ADGRF4: variants seen among roughly 807,000 people sequenced by gnomAD.
ADGRF4 encodes G-protein coupled receptor PGR18.
Under a neutral mutation model 58.5 loss-of-function variants are expected in ADGRF4, and 63 were observed. That is an observed-to-expected ratio of 1.08 (90% confidence interval 0.88 to 1.33). The LOEUF (loss-of-function observed/expected upper bound fraction) is 1.33, where lower values mean the gene tolerates loss of function less well. ADGRF4 is among the 40% of genes most tolerant of loss of function. The pLI, the probability that ADGRF4 is intolerant of heterozygous loss-of-function variation, is 0.00. For missense variants in ADGRF4, 931 were observed against 843.9 expected, an observed-to-expected ratio of 1.10 and a Z score of -1.28; for synonymous variants, 313 against 295.4, an observed-to-expected ratio of 1.06 and a Z score of -0.61.
chr6:47,720,001 C>A (rs1772118788), intron 9 of ADGRF4, among the ~76,000 whole-genome samples: 1 of 152,124 alleles, frequency 6.6e-6, no homozygotes, highest in African/African-American at 2.4e-5. Context: ...TGGCTCTGTG[C>A]CTATTGAATT....
At chr6:47,713,308 C>A (rs1046549178) in intron 5 of ADGRF4, among the ~76,000 whole-genome samples, 3 of 152,138 alleles carry the variant, frequency 2.0e-5, no homozygotes, top group African/African-American at 7.2e-5. Flanking sequence ...AAAGGGAGAT[C>A]TGTAGCCCAT....
rs1232386907 is a variant in ADGRF4 at position 47,704,335 on chromosome 6, G to T, written c.-16-2895G>T. Among the ~76,000 whole-genome samples the T allele has an allele frequency of 2.6e-5, 4 of 152,214 alleles. No homozygotes were observed. In the South Asian group the frequency reaches 8.3e-4, roughly 32 times the overall value. On this transcript the variant is annotated intron_variant, in intron 1 of 9. Coordinates refer to ENST00000283303, the MANE Select transcript of ADGRF4 (RefSeq NM_153838.5). ...GATGAGCCACTGCACCCGGCAGCAG[G>T]TGCTATTCTTTACAAATGCCTCCCT...
chr6:47,720,055 G>A (rs1234802909), intron 9 of ADGRF4, among the ~76,000 whole-genome samples: 1 of 152,176 alleles, frequency 6.6e-6, no homozygotes, highest in Non-Finnish European at 1.5e-5. Flanking sequence ...GGACACACAT[G>A]GTACCAGAAG....
At chr6:47,718,295 T>G (rs944124474) in intron 8 of ADGRF4, 94 bp from the exon 9 acceptor site, 2 of 776,736 alleles carry the variant, frequency 2.6e-6, no homozygotes, top group African/African-American at 1.7e-5. Flanking sequence ...CTCCTTTTCA[T>G]GTATTCATTT....
rs1043061787 is a variant in ADGRF4, at chr6:47,710,824, C to A, written c.238C>A (p.Gln80Lys). The change falls in exon 4 of 10, where the codon CAA (glutamine) becomes AAA (lysine). Residue 80 changes from glutamine to lysine, a missense_variant. By Grantham distance (53) the Gln-to-Lys change is moderately conservative (BLOSUM62 1). Coordinates refer to ENST00000283303, the MANE Select transcript of ADGRF4 (RefSeq NM_153838.5). ...FHGEIGFTCN[Q>K]KKWQKSAETC... Reference sequence around the variant, plus strand: ...TGGAGAAATAGGATTTACATGTAATCAAAAAAAGTGGCAAAAATCAGCTGA... The same window carrying A: ...TGGAGAAATAGGATTTACATGTAATAAAAAAAAGTGGCAAAAATCAGCTGA... 2.0e-5 allele frequency: 33 copies of A among 1,613,672 alleles called. No homozygotes were observed. The East Asian group carries it at 7.1e-4, about 35-fold the overall frequency.
In ADGRF4 at chr6:47,716,821, C is replaced by G. The variant is rs142966293; in HGVS notation, c.1948C>G (p.Leu650Val). ...TTTGCCACAGGGTTTTTTCATCCTGCTGTTTGGAACCATTATGGATCACAA... is the reference window on the plus strand; with the variant it reads ...TTTGCCACAGGGTTTTTTCATCCTGGTGTTTGGAACCATTATGGATCACAA... ...LNAFQGFFILLFGTIMDHKIR... is the reference protein window; with the variant it reads ...LNAFQGFFILVFGTIMDHKIR... The change falls in exon 7 of 10, where the codon CTG becomes GTG. Residue 650 changes from leucine (L) to valine (V), a missense_variant. Coordinates refer to ENST00000283303, the MANE Select transcript of ADGRF4 (RefSeq NM_153838.5). The G allele has an allele frequency of 1.2e-6, 2 of 1,600,960 alleles. No homozygotes were observed. Among genetic ancestry groups the G allele is most frequent in the Non-Finnish European group, 1.7e-6 (2 of 1,174,190 alleles).
chr6:47,717,205 G>T (rs933673003), intron 7 of ADGRF4, 87 bp from the exon 8 acceptor site: 3 of 909,298 alleles, frequency 3.3e-6, no homozygotes, highest in African/African-American at 1.6e-5. Flanking sequence ...TTCTGCCAGG[G>T]TTACTGGTCT....
At chr6:47,700,533 T>C (rs574386433) in intron 1 of ADGRF4, among the ~76,000 whole-genome samples, 85 of 152,374 alleles carry the variant, frequency 5.6e-4, no homozygotes, top group Non-Finnish European at 8.4e-4. Context: ...TAGGGTTTTA[T>C]TAGTTCTGAC....
At chr6:47,712,217 C>G (rs111331331) in intron 4 of ADGRF4, 140 bp from the exon 5 acceptor site, 6 of 713,074 alleles carry the variant, frequency 8.4e-6, no homozygotes, top group African/African-American at 3.5e-5. Flanking sequence ...GTCTCCACCC[C>G]CCTCTGCATC....
intron 2 of ADGRF4, 85 bp from the exon 3 acceptor site, chr6:47,708,139 T>G: frequency 1.0e-6 from 1 of 981,042 alleles, no homozygotes; most frequent in South Asian, 1.4e-5. Context: ...ACATTTTCTT[T>G]TCATATTCAT....
chr6:47,704,950 A>G (rs1435140172), intron 1 of ADGRF4, among the ~76,000 whole-genome samples: 10 of 151,826 alleles, frequency 6.6e-5, no homozygotes. Context: ...TTTTTTTGTG[A>G]TGGAGTCTCC....
chr6:47,719,453 G>T (rs920836085), intron 9 of ADGRF4, among the ~76,000 whole-genome samples: 3 of 152,172 alleles, frequency 2.0e-5, no homozygotes, highest in Non-Finnish European at 4.4e-5. Flanking sequence ...TACAAAAGTT[G>T]ACCCTTCTGC....
Position 47,714,434 on chromosome 6 carries a change from A to T in ADGRF4, c.1189A>T (p.Thr397Ser). 1 of 1,614,106 alleles carries T rather than the reference A, an allele frequency of 6.2e-7. No homozygotes were observed. Among genetic ancestry groups the T allele is most frequent in the Non-Finnish European group, 8.5e-7 (1 of 1,180,022 alleles). Residue 397 changes from threonine to serine, a missense_variant, in exon 6 of 10, where the codon ACC becomes TCC. Thr to Ser is a moderately conservative substitution (Grantham distance 58). Coordinates refer to ENST00000283303, the MANE Select transcript of ADGRF4 (RefSeq NM_153838.5). The stretch of plus-strand genomic sequence containing the variant: ...CATTCTCATGTCCTCCAAATCGATG[A>T]CCGACAAAGTTCTGGACTACATCAC... ...FSILMSSKSM[T>S]DKVLDYITCI... is the part of the protein sequence containing the mutation.
At chr6:47,718,510 G>T in intron 9 of ADGRF4, 65 bp downstream of exon 9, 1 of 900,264 alleles carries the variant, frequency 1.1e-6, no homozygotes, top group Admixed American at 1.7e-5. Flanking sequence ...AATGCCCCTT[G>T]TGACCACACT....
intron 5 of ADGRF4, among the ~76,000 whole-genome samples, chr6:47,713,053 G>T (rs1052124496): frequency 6.6e-6 from 1 of 152,142 alleles, no homozygotes; most frequent in Non-Finnish European, 1.5e-5. Flanking sequence ...TTAGATTCTC[G>T]TAGAAGCACG....
chr6:47,700,554 A>C (rs1200195975), intron 1 of ADGRF4, among the ~76,000 whole-genome samples: 1 of 152,248 alleles, frequency 6.6e-6, no homozygotes, highest in Non-Finnish European at 1.5e-5. Context: ...TTATGGAGAC[A>C]GTGTGGAAAA....
At chr6:47,718,135 G>A (rs1772071154) in intron 8 of ADGRF4, among the ~76,000 whole-genome samples, 1 of 152,150 alleles carries the variant, frequency 6.6e-6, no homozygotes, top group African/African-American at 2.4e-5. Flanking sequence ...AAATTGGAAT[G>A]TATCTTATAT....
Position 47,715,050 on chromosome 6 carries a change from G to A in ADGRF4, c.1805G>A (p.Arg602Lys). 2 of 1,613,344 alleles carry A rather than the reference G, an allele frequency of 1.2e-6. No individual in the cohort carries two copies. Among genetic ancestry groups the A allele is most frequent in the South Asian group, 2.2e-5 (2 of 91,062 alleles). Residue 602 changes from arginine (R) to lysine (K), a missense_variant, in exon 6 of 10, where the codon AGG becomes AAG. Arg to Lys is a conservative substitution (Grantham distance 26). Coordinates refer to ENST00000283303, the MANE Select transcript of ADGRF4 (RefSeq NM_153838.5). ...SKSQDVVIIM[R>K]ISKNVAILTP... is the part of the protein sequence containing the mutation. ...TCTCAGGATGTGGTCATAATTATGAGGATCAGCAAAAATGTTGCCATCCTC... is the reference window on the plus strand; with the variant it reads ...TCTCAGGATGTGGTCATAATTATGAAGATCAGCAAAAATGTTGCCATCCTC...
chr6:47,718,616 G>T (rs2113909635), intron 9 of ADGRF4, among the ~76,000 whole-genome samples, 171 bp downstream of exon 9: 1 of 151,676 alleles, frequency 6.6e-6, no homozygotes, highest in Non-Finnish European at 1.5e-5. Flanking sequence ...GCACATAAAT[G>T]AAAATATGTA....
Sources: gnomAD v4.1 joint callset for allele counts (sites outside exome capture counted in the v4.1 genomes callset) on GRCh38, gnomAD v4.1.1 for gene constraint, MANE v1.5 for transcripts, NCBI Gene and HGNC (gene_info 2026-07-23, HGNC 2026-07-21) for gene names.